KMT5B: variants seen among roughly 807,000 people sequenced by gnomAD.
KMT5B encodes lysine methyltransferase 5B, also known as histone-lysine N-methyltransferase KMT5B.
KMT5B carries 10 observed loss-of-function variants against 83.2 expected under a neutral mutation model. The observed-to-expected ratio is 0.12, with a 90% confidence interval of 0.07 to 0.20. KMT5B has a LOEUF of 0.20. Ranked by LOEUF, KMT5B falls within the 10% of genes least tolerant of loss-of-function variation. The probability of loss-of-function intolerance (pLI) is 1.00; values close to 1 mark genes in which losing one functional copy is unlikely to be tolerated. For missense variants in KMT5B, 753 were observed against 1,067.2 expected (o/e 0.71, Z 4.10); for synonymous variants, 349 against 388.8 (o/e 0.90, Z 1.20).
chr11:68,173,229 T>C (rs572872018), intron 6 of KMT5B, among the ~76,000 whole-genome samples: 16 of 152,236 alleles, frequency 1.1e-4, no homozygotes, highest in Non-Finnish European at 1.6e-4. Flanking sequence ...TTAGTAGAGA[T>C]GGGGTTTCAC....
At chr11:68,207,509 C>A (rs531925754) in intron 1 of KMT5B, among the ~76,000 whole-genome samples, 2 of 151,590 alleles carry the variant, frequency 1.3e-5, no homozygotes, top group African/African-American at 4.8e-5. Context: ...AAAAGCAACA[C>A]AGGCCAGGCA....
At chr11:68,169,683 C>T (rs1449862874) in intron 9 of KMT5B, among the ~76,000 whole-genome samples, 1 of 152,216 alleles carries the variant, frequency 6.6e-6, no homozygotes, top group Non-Finnish European at 1.5e-5. Context: ...CTACACATCA[C>T]ATAGCTAATG....
chr11:68,210,162 T>G (rs1050255206), intron 1 of KMT5B, among the ~76,000 whole-genome samples: 2 of 152,154 alleles, frequency 1.3e-5, no homozygotes, highest in Admixed American at 1.3e-4. Flanking sequence ...TTTTCTTTAG[T>G]GTGCTATTAC....
intron 1 of KMT5B, among the ~76,000 whole-genome samples, chr11:68,207,347 C>T (rs963118660): frequency 6.6e-6 from 1 of 152,150 alleles, no homozygotes; most frequent in African/African-American, 2.4e-5. Context: ...TATTTTCACA[C>T]CCTATAAAAG....
intron 2 of KMT5B, among the ~76,000 whole-genome samples, chr11:68,187,150 T>C (rs1184325508): frequency 6.6e-6 from 1 of 151,820 alleles, no homozygotes; most frequent in Non-Finnish European, 1.5e-5. Context: ...GCATGCATCA[T>C]CAAACCTGGT....
At chr11:68,190,701 T>C (rs145737382) in intron 1 of KMT5B, among the ~76,000 whole-genome samples, 3 of 152,316 alleles carry the variant, frequency 2.0e-5, no homozygotes, top group Admixed American at 1.3e-4. Flanking sequence ...AAAAAGAATA[T>C]AGCTGAGCAC....
At chr11:68,200,116 C>T (rs925655624) in intron 1 of KMT5B, among the ~76,000 whole-genome samples, 1 of 152,056 alleles carries the variant, frequency 6.6e-6, no homozygotes, top group Non-Finnish European at 1.5e-5. Context: ...AGATAAAAAT[C>T]TGGTATTTTT....
At chr11:68,194,440 A>C (rs1224604375) in intron 1 of KMT5B, among the ~76,000 whole-genome samples, 3 of 152,022 alleles carry the variant, frequency 2.0e-5, no homozygotes, top group Non-Finnish European at 4.4e-5. Flanking sequence ...CGATCCTCCC[A>C]CCTCGGCCTC....
chr11:68,158,322 C>T lies in KMT5B; in HGVS notation c.2024G>A (p.Cys675Tyr). The T allele has an allele frequency of 6.2e-7, 1 of 1,614,198 alleles. No homozygotes were observed. Among genetic ancestry groups the T allele is most frequent in the East Asian group, 2.2e-5 (1 of 44,884 alleles). ...GAAGCTATCTGATGTCACAACTGAA[C>T]AACCGACGGGTGAAGGAGCACAGTC... ...YTDCAPSPVG[C>Y]SVVTSDSFKT... The change falls in exon 11 of 11, where the codon TGT becomes TAT. Residue 675 changes from cysteine (C) to tyrosine (Y), a missense_variant. Physicochemically the swap from Cys to Tyr is radical, Grantham distance 194 (BLOSUM62 -2). Around this residue, in one of 9 missense-constraint regions of KMT5B, gnomAD observed 397 missense variants for 395.9 expected, o/e 1.00. Coordinates refer to ENST00000304363, the MANE Select transcript of KMT5B (RefSeq NM_017635.5).
Position 68,173,923 on chromosome 11 carries a change from G to GAA in KMT5B, c.544-12_544-11dup, listed in dbSNP as rs3832715. On this transcript the variant is annotated splice_polypyrimidine_tract_variant and intron_variant, in intron 5 of 10. Coordinates refer to ENST00000304363, the MANE Select transcript of KMT5B (RefSeq NM_017635.5). ...GCAAATAAATAAATACCTAAAACAGGAAAAAAAAATTGATAATGACTTTAA... is the reference window on the plus strand; with the variant it reads ...GCAAATAAATAAATACCTAAAACAGGAAAAAAAAAAATTGATAATGACTTTAA... The GAA allele has an allele frequency of 7.5e-4, 1,088 of 1,455,048 alleles. 1 individual carries two copies. Among genetic ancestry groups the GAA allele is most frequent in the Admixed American group, 9.0e-4 (47 of 52,124 alleles). 90.1% of individuals were successfully genotyped at this position (1,455,048 alleles called of 1,614,324 possible).
chr11:68,166,599 G>C, intron 10 of KMT5B: 1 of 1,009,450 alleles, frequency 9.9e-7, no homozygotes, highest in Non-Finnish European at 1.2e-6. Flanking sequence ...TAACAAACTG[G>C]CTAGGCACTG....
chr11:68,202,952 T>C (rs1463177412), intron 1 of KMT5B, among the ~76,000 whole-genome samples: 2 of 152,096 alleles, frequency 1.3e-5, no homozygotes, highest in African/African-American at 4.8e-5. Flanking sequence ...AGAAGTAGAA[T>C]TGCCGGGTCA....
intron 10 of KMT5B, among the ~76,000 whole-genome samples, chr11:68,162,852 T>A (rs982891063): frequency 6.6e-6 from 1 of 152,042 alleles, no homozygotes; most frequent in African/African-American, 2.4e-5. Context: ...GGTATGCTCA[T>A]CAAATCAAAG....
intron 1 of KMT5B, among the ~76,000 whole-genome samples, chr11:68,204,330 A>C (rs751560954): frequency 6.6e-6 from 1 of 152,220 alleles, no homozygotes; most frequent in Non-Finnish European, 1.5e-5. Context: ...GTTATAAAAA[A>C]TTTTGAGATA....
chr11:68,159,001 G>C lies in KMT5B; in HGVS notation c.1345C>G (p.Leu449Val). Reference sequence around the variant, plus strand: ...TGATTTCTCAATTTTATCTTTGAAAGTAAAGGCTTTGCAGGCTTCTTCAGT... The same window carrying C: ...TGATTTCTCAATTTTATCTTTGAAACTAAAGGCTTTGCAGGCTTCTTCAGT... ...KKLKKPAKPL[L>V]SKIKLRNHCK... Residue 449 changes from leucine to valine, a missense_variant, in exon 11 of 11, where the codon CTT becomes GTT. By Grantham distance (32) the Leu-to-Val change is conservative (BLOSUM62 1). Coordinates refer to ENST00000304363, the MANE Select transcript of KMT5B (RefSeq NM_017635.5). 6.2e-7 allele frequency: 1 copy of C among 1,612,058 alleles called. No individual in the cohort carries two copies. Among genetic ancestry groups the C allele is most frequent in the South Asian group, 1.1e-5 (1 of 90,418 alleles).
At chr11:68,198,060 C>T (rs1305280815) in intron 1 of KMT5B, among the ~76,000 whole-genome samples, 1 of 152,080 alleles carries the variant, frequency 6.6e-6, no homozygotes, top group Non-Finnish European at 1.5e-5. Context: ...TTAAAGGTAG[C>T]GATGGGATTT....
intron 9 of KMT5B, among the ~76,000 whole-genome samples, chr11:68,167,501 C>T (rs1336432921): frequency 1.3e-5 from 2 of 150,038 alleles, no homozygotes; most frequent in Non-Finnish European, 3.0e-5. Context: ...ACCGCCCAGG[C>T]TGGAATGCAG....
chr11:68,207,528 C>T (rs1324222524), intron 1 of KMT5B, among the ~76,000 whole-genome samples: 1 of 152,044 alleles, frequency 6.6e-6, no homozygotes, highest in Non-Finnish European at 1.5e-5. Flanking sequence ...CACGGTGGCT[C>T]ACGCCTGTAA....
intron 1 of KMT5B, among the ~76,000 whole-genome samples, chr11:68,209,958 C>G (rs1860670098): frequency 6.6e-6 from 1 of 151,958 alleles, no homozygotes; most frequent in South Asian, 2.1e-4. Context: ...CCTCCAACTC[C>G]CGGGTTCACA....
Sources: gnomAD v4.1 joint callset for allele counts (sites outside exome capture counted in the v4.1 genomes callset) on GRCh38, gnomAD v4.1.1 for gene constraint, gnomAD v4.1.1 regional missense constraint, MANE v1.5 for transcripts, NCBI Gene and HGNC (gene_info 2026-07-23, HGNC 2026-07-21) for gene names.